DIRAS2: variants seen among roughly 807,000 people sequenced by gnomAD.
DIRAS2 encodes DIRAS family GTPase 2, also known as GTP-binding protein Di-Ras2.
In DIRAS2, 5 loss-of-function variants were observed where a neutral mutation model predicts 13.9. The ratio of observed to expected loss-of-function variants is 0.36; its 90% CI spans 0.19 to 0.76. The LOEUF is 0.76. Among genes scored for constraint, DIRAS2 ranks in the 30% least tolerant of loss-of-function variants. The pLI is 0.53. For missense variants in DIRAS2, 191 were observed against 263.0 expected, an observed-to-expected ratio of 0.73 and a Z score of 1.89; for synonymous variants, 111 against 105.4, an observed-to-expected ratio of 1.05 and a Z score of -0.33.
At chr9:90,641,049 A>G (rs1254313335) in intron 1 of DIRAS2, among the ~76,000 whole-genome samples, 1 of 152,212 alleles carries the variant, frequency 6.6e-6, no homozygotes, top group African/African-American at 2.4e-5. Flanking sequence ...TACATTTCCA[A>G]TACAGTAAAA....
chr9:90,619,074 G>A (rs1056272725), intron 1 of DIRAS2, among the ~76,000 whole-genome samples: 16 of 152,176 alleles, frequency 1.1e-4, no homozygotes, highest in African/African-American at 3.4e-4. Flanking sequence ...GGGGGGCAGA[G>A]GTTGCAGTGA....
chr9:90,626,549 G>A (rs945066750), intron 1 of DIRAS2, among the ~76,000 whole-genome samples: 1 of 152,042 alleles, frequency 6.6e-6, no homozygotes, highest in Non-Finnish European at 1.5e-5. Flanking sequence ...AGTCATTAGG[G>A]AAATGTAAAT....
chr9:90,622,284 A>G (rs1825226188), intron 1 of DIRAS2, among the ~76,000 whole-genome samples: 2 of 152,012 alleles, frequency 1.3e-5, no homozygotes, highest in Admixed American at 6.6e-5. Flanking sequence ...ATTCATACAT[A>G]CATACATACA....
At chr9:90,618,916 G>A (rs1587720382) in intron 1 of DIRAS2, among the ~76,000 whole-genome samples, 2 of 152,300 alleles carry the variant, frequency 1.3e-5, no homozygotes, top group Middle Eastern at 6.8e-3. Context: ...GGCCGAGGCA[G>A]GCAGATCACA....
At chr9:90,631,264 C>G (rs367676135) in intron 1 of DIRAS2, among the ~76,000 whole-genome samples, 1 of 152,090 alleles carries the variant, frequency 6.6e-6, no homozygotes, top group Non-Finnish European at 1.5e-5. Flanking sequence ...GTCCAACATG[C>G]TCAAGACACA....
intron 1 of DIRAS2, among the ~76,000 whole-genome samples, chr9:90,629,841 A>AT (rs1028727218): frequency 1.9e-4 from 29 of 151,108 alleles, no homozygotes; most frequent in Admixed American, 5.3e-4. Flanking sequence ...TTTTATTCCC[A>AT]TTTTTTTTTC....
At chr9:90,623,749 C>A (rs997054174) in intron 1 of DIRAS2, among the ~76,000 whole-genome samples, 1 of 152,152 alleles carries the variant, frequency 6.6e-6, no homozygotes, top group African/African-American at 2.4e-5. Flanking sequence ...CTTCAAAACA[C>A]AGTTATGGAG....
intron 1 of DIRAS2, among the ~76,000 whole-genome samples, chr9:90,627,042 GGTGA>G (rs1453625879): frequency 3.9e-5 from 6 of 152,124 alleles, no homozygotes; most frequent in Non-Finnish European, 5.9e-5. Flanking sequence ...TCTTTGCAAA[GGTGA>G]GTAAGTTCTC....
At chr9:90,623,805 T>C (rs1264982785) in intron 1 of DIRAS2, among the ~76,000 whole-genome samples, 1 of 152,206 alleles carries the variant, frequency 6.6e-6, no homozygotes, top group Non-Finnish European at 1.5e-5. Flanking sequence ...CTTGGGAGGC[T>C]GAGGCAGGAG....
intron 1 of DIRAS2, among the ~76,000 whole-genome samples, chr9:90,624,397 CTTGTA>C (rs148843980): frequency 0.032 from 4,932 of 152,158 alleles, 130 homozygotes; most frequent in South Asian, 0.12. Flanking sequence ...TTCCCGGAAT[CTTGTA>C]TTGTAGTGTT....
chr9:90,628,189 C>T (rs1256526657), intron 1 of DIRAS2, among the ~76,000 whole-genome samples: 2 of 152,190 alleles, frequency 1.3e-5, no homozygotes, highest in Non-Finnish European at 2.9e-5. Context: ...CTATTAGCCA[C>T]GGCATCTAAC....
chr9:90,630,948 T>C (rs1409037998), intron 1 of DIRAS2, among the ~76,000 whole-genome samples: 3 of 152,150 alleles, frequency 2.0e-5, no homozygotes, highest in Non-Finnish European at 4.4e-5. Context: ...AAATTAACTC[T>C]CCAATCAGCA....
At chr9:90,639,180 G>T (rs1419877207) in intron 1 of DIRAS2, among the ~76,000 whole-genome samples, 1 of 152,120 alleles carries the variant, frequency 6.6e-6, no homozygotes, top group Admixed American at 6.5e-5. Context: ...GATGGAAATT[G>T]TACCCACCCC....
chr9:90,637,863 G>A (rs1300315855), intron 1 of DIRAS2, among the ~76,000 whole-genome samples: 4 of 152,158 alleles, frequency 2.6e-5, no homozygotes, highest in East Asian at 1.9e-4. Context: ...AATCAGAGTC[G>A]CATGGGTTTG....
intron 1 of DIRAS2, among the ~76,000 whole-genome samples, chr9:90,630,464 A>G (rs1036144388): frequency 6.6e-6 from 1 of 152,248 alleles, no homozygotes; most frequent in African/African-American, 2.4e-5. Flanking sequence ...TCTTGAAGCC[A>G]AAAGTAGGCA....
At chr9:90,620,833 G>A (rs1825213536) in intron 1 of DIRAS2, among the ~76,000 whole-genome samples, 1 of 152,146 alleles carries the variant, frequency 6.6e-6, no homozygotes, top group Non-Finnish European at 1.5e-5. Flanking sequence ...GGCCTGCTGG[G>A]TGCTGGAAAT....
chr9:90,638,588 C>G (rs1272105299), intron 1 of DIRAS2, among the ~76,000 whole-genome samples: 2 of 151,922 alleles, frequency 1.3e-5, no homozygotes, highest in African/African-American at 4.8e-5. Flanking sequence ...TTTTAAGTGT[C>G]AGATGATTGT....
At chr9:90,628,053 CA>C (rs1825288829) in intron 1 of DIRAS2, among the ~76,000 whole-genome samples, 1 of 151,864 alleles carries the variant, frequency 6.6e-6, no homozygotes, top group Non-Finnish European at 1.5e-5. Flanking sequence ...AAAAAAATAG[CA>C]AAGGTCTCAT....
intron 1 of DIRAS2, among the ~76,000 whole-genome samples, chr9:90,623,104 T>C (rs1241605280): frequency 1.3e-5 from 2 of 152,230 alleles, no homozygotes; most frequent in East Asian, 3.8e-4. Flanking sequence ...TCAACAAGAA[T>C]GCTCATTGCC....
Sources: gnomAD v4.1 joint callset for allele counts (sites outside exome capture counted in the v4.1 genomes callset) on GRCh38, gnomAD v4.1.1 for gene constraint, MANE v1.5 for transcripts, NCBI Gene and HGNC (gene_info 2026-07-23, HGNC 2026-07-21) for gene names.